The following CIDEA variants were observed in gnomAD, a reference collection of about 807,000 sequenced individuals.
CIDEA encodes lipid transferase CIDEA.
A neutral mutation model predicts 18.2 loss-of-function variants in CIDEA; 10 were observed. The observed-to-expected ratio is 0.55, with a 90% CI of 0.34 to 0.93. The LOEUF (loss-of-function observed/expected upper bound fraction) is 0.93. Among genes scored for constraint, CIDEA ranks in the 40% least tolerant of loss-of-function variants. The pLI is 0.02. For missense variants in CIDEA, 309 were observed against 293.1 expected (o/e 1.05, Z -0.40); for synonymous variants, 128 against 124.8 (o/e 1.03, Z -0.17).
At chr18:12,272,147 T>TGGGGG (rs1259474425) in intron 3 of CIDEA, among the ~76,000 whole-genome samples, 3 of 1,476 alleles carry the variant, frequency 2.0e-3, no homozygotes, top group Non-Finnish European at 3.0e-3. Flanking sequence ...TGAGTGTGTG[T>TGGGGG]GTGGGGGGGG....
chr18:12,255,027 G>T, intron 1 of CIDEA: 1 of 963,822 alleles, frequency 1.0e-6, no homozygotes. Flanking sequence ...CTGGGGAGCA[G>T]GGGGGACAAG....
At chr18:12,265,662 C>T (rs1327861566) in intron 3 of CIDEA, among the ~76,000 whole-genome samples, 2 of 152,220 alleles carry the variant, frequency 1.3e-5, no homozygotes, top group African/African-American at 2.4e-5. Flanking sequence ...ATTCTCTTTA[C>T]TCCAGCCCCG....
At chr18:12,276,949 A>G (rs1568107841) in intron 4 of CIDEA, among the ~76,000 whole-genome samples, 174 bp from the exon 5 acceptor site, 1 of 152,224 alleles carries the variant, frequency 6.6e-6, no homozygotes, top group Non-Finnish European at 1.5e-5. Context: ...CGGCAGCTGC[A>G]TCTGTGCCAG....
intron 1 of CIDEA, among the ~76,000 whole-genome samples, chr18:12,261,629 C>T (rs1398096504): frequency 6.6e-6 from 1 of 151,970 alleles, no homozygotes; most frequent in Non-Finnish European, 1.5e-5. Flanking sequence ...AGTGGTGCAA[C>T]CTTGGCTCAC....
chr18:12,256,067 G>GA (rs1306401205), intron 1 of CIDEA, among the ~76,000 whole-genome samples: 1 of 152,206 alleles, frequency 6.6e-6, no homozygotes, highest in African/African-American at 2.4e-5. Flanking sequence ...GTCATTCTGT[G>GA]AAATCTACCT....
In CIDEA at chr18:12,277,461, G is replaced by A. The variant is rs1905383919; in HGVS notation, c.*191G>A. On this transcript the variant is annotated 3_prime_UTR_variant, in exon 5 of 5. Transcript: ENST00000320477. ...GTGGGGGCAGTGGGCAGGGTGCCCT[G>A]GGGGGGAGGCATAGAGGGCCCTGGG... The A allele has an allele frequency of 8.0e-6, 5 of 625,590 alleles. No individual in the cohort carries two copies. The highest frequency in any genetic ancestry group is 1.3e-5 in the Non-Finnish European group (5 of 372,460). The allele number at this position is 625,590 out of a possible 1,614,324, so 38.8% of individuals were successfully genotyped here.
At chr18:12,274,656 C>A (rs376950090) in intron 4 of CIDEA, among the ~76,000 whole-genome samples, 25 of 152,216 alleles carry the variant, frequency 1.6e-4, no homozygotes, top group Non-Finnish European at 3.2e-4. Flanking sequence ...GTGAATCACA[C>A]GCCTTTGCAT....
At chr18:12,257,756 C>T (rs758860108) in intron 1 of CIDEA, among the ~76,000 whole-genome samples, 3 of 152,184 alleles carry the variant, frequency 2.0e-5, no homozygotes, top group Non-Finnish European at 4.4e-5. Flanking sequence ...TGTGTGCCCC[C>T]ACTTTCACAG....
At chr18:12,265,117 A>T (rs1418867333) in intron 3 of CIDEA, among the ~76,000 whole-genome samples, 1 of 152,210 alleles carries the variant, frequency 6.6e-6, no homozygotes, top group Non-Finnish European at 1.5e-5. Context: ...GAAGTTAGGG[A>T]GAGGGGTGTG....
At chr18:12,263,309 T>C (rs1217548619) in intron 2 of CIDEA, among the ~76,000 whole-genome samples, 2 of 152,148 alleles carry the variant, frequency 1.3e-5, no homozygotes, top group African/African-American at 4.8e-5. Flanking sequence ...GTGGGCCAAC[T>C]CTGTGAGCAT....
In CIDEA at chr18:12,267,651, C is replaced by T. The variant is rs112152274; in HGVS notation, c.330+3198C>T. Among the ~76,000 whole-genome samples the T allele has an allele frequency of 1.6e-4, 24 of 152,208 alleles. 5 individuals carry two copies. The highest frequency in any genetic ancestry group is 5.3e-4 in the African/African-American group (22 of 41,524). On this transcript the variant is annotated intron_variant, in intron 3 of 4. Coordinates refer to ENST00000320477, the MANE Select transcript of CIDEA (RefSeq NM_001279.4). ...TGGGATCACAGGCAAGCCACCACCA[C>T]GCCTGGCTAATTTTTGTATTTTTAG...
intron 1 of CIDEA, among the ~76,000 whole-genome samples, chr18:12,261,607 AG>A (rs1344786990): frequency 6.6e-6 from 1 of 151,904 alleles, no homozygotes; most frequent in African/African-American, 2.4e-5. Flanking sequence ...TATGTCATCC[AG>A]GCTGGAGTAC....
At chr18:12,254,644 C>G (rs1023486725) in intron 1 of CIDEA, 5 of 1,529,460 alleles carry the variant, frequency 3.3e-6, no homozygotes, top group Non-Finnish European at 4.4e-6. Flanking sequence ...CGTCCCGCGC[C>G]TCCTCACCCT....
At chr18:12,266,919 C>A (rs1192039702) in intron 3 of CIDEA, among the ~76,000 whole-genome samples, 3 of 152,016 alleles carry the variant, frequency 2.0e-5, no homozygotes, top group Non-Finnish European at 4.4e-5. Context: ...TGCCACCACG[C>A]CTGGCTAATT....
At chr18:12,274,486 G>A (rs1340757206) in intron 4 of CIDEA, among the ~76,000 whole-genome samples, 1 of 152,166 alleles carries the variant, frequency 6.6e-6, no homozygotes, top group Non-Finnish European at 1.5e-5. Context: ...TTCTTCCAAA[G>A]ACCACTAACT....
At chr18:12,262,328 T>G (rs1408166429) in intron 1 of CIDEA, among the ~76,000 whole-genome samples, 1 of 152,206 alleles carries the variant, frequency 6.6e-6, no homozygotes, top group Non-Finnish European at 1.5e-5. Context: ...CCTAAGTTGA[T>G]TTCAGAAACT....
At chr18:12,274,319 AG>A (rs1370127681) in intron 4 of CIDEA, 45 bp downstream of exon 4, 1 of 1,589,812 alleles carries the variant, frequency 6.3e-7, no homozygotes, top group East Asian at 2.2e-5. Context: ...CAGACTGCAC[AG>A]GGTGTGGCAC....
intron 3 of CIDEA, among the ~76,000 whole-genome samples, chr18:12,270,894 C>CTTTT (rs771335202): frequency 0.013 from 765 of 59,960 alleles, 25 homozygotes; most frequent in African/African-American, 0.035. Context: ...TTTTTCTTTT[C>CTTTT]TTTTTTTTTT....
chr18:12,272,355 G>A (rs1413830350), intron 3 of CIDEA, among the ~76,000 whole-genome samples: 1 of 152,166 alleles, frequency 6.6e-6, no homozygotes, highest in Non-Finnish European at 1.5e-5. Context: ...TGGGATTACA[G>A]GCGTGCACCA....
Sources: allele counts gnomAD v4.1 joint callset (sites outside exome capture counted in the v4.1 genomes callset), GRCh38; gene constraint gnomAD v4.1.1; transcripts MANE v1.5; gene names NCBI Gene and HGNC (gene_info 2026-07-23, HGNC 2026-07-21).